Variants in CTNNA3 observed in about 807,000 individuals in gnomAD.
CTNNA3 encodes the protein catenin alpha-3.
Under a neutral mutation model 95.7 loss-of-function variants are expected in CTNNA3, and 76 were observed. That is an observed-to-expected ratio of 0.79 (90% CI 0.66 to 0.96). CTNNA3 has a LOEUF of 0.96. CTNNA3 is among the 40% of genes least tolerant of loss of function. CTNNA3 has a pLI of 0.00. For synonymous variants in CTNNA3, 431 were observed against 374.4 expected, an observed-to-expected ratio of 1.15 and a Z score of -1.74; for missense variants, 1,191 against 1,089.8, an observed-to-expected ratio of 1.09 and a Z score of -1.31.
intron 14 of CTNNA3, among the ~76,000 whole-genome samples, chr10:66,097,472 A>G (rs992819485): frequency 2.6e-5 from 4 of 152,182 alleles, no homozygotes; most frequent in African/African-American, 4.8e-5. Context: ...AATAGATATT[A>G]TTATTATCAT....
At chr10:66,527,387 C>T (rs572210677) in intron 10 of CTNNA3, among the ~76,000 whole-genome samples, 1 of 152,206 alleles carries the variant, frequency 6.6e-6, no homozygotes. Flanking sequence ...TTTGGCTACT[C>T]AAGGTCCCTT....
intron 7 of CTNNA3, among the ~76,000 whole-genome samples, chr10:66,950,157 T>C (rs1257579340): frequency 6.6e-6 from 1 of 152,182 alleles, no homozygotes; most frequent in Non-Finnish European, 1.5e-5. Flanking sequence ...TTTTGACAAA[T>C]TATATTTTAT....
chr10:66,502,594 A>G (rs1817632748), intron 11 of CTNNA3, among the ~76,000 whole-genome samples: 1 of 152,128 alleles, frequency 6.6e-6, no homozygotes, highest in South Asian at 2.1e-4. Flanking sequence ...CATTTATGAC[A>G]TCCTACTGTC....
intron 10 of CTNNA3, 101 bp downstream of exon 10, chr10:66,621,591 C>T: frequency 2.0e-6 from 1 of 488,250 alleles, no homozygotes; most frequent in Non-Finnish European, 3.3e-6. Context: ...GACCTGGTCT[C>T]AAAAAAAAAA....
rs146299478 is a variant in CTNNA3, at chr10:67,063,187, T to C, written c.1047+117130A>G. On this transcript the variant is annotated intron_variant, in intron 7 of 17. Coordinates refer to ENST00000433211, the MANE Select transcript of CTNNA3 (RefSeq NM_013266.4). ...TTACAAGAAAAACAGTTACCAAGTA[T>C]GGATGCTCAAGACAGCCTTAAAGCA... is the stretch of plus-strand genomic sequence containing the variant. Among the ~76,000 whole-genome samples the C allele has an allele frequency of 2.4e-3, 364 of 152,302 alleles. 1 individual carries two copies. Among genetic ancestry groups the C allele is most frequent in the Non-Finnish European group, 3.4e-3 (231 of 68,014 alleles).
intron 7 of CTNNA3, among the ~76,000 whole-genome samples, chr10:67,019,172 T>G (rs995325948): frequency 2.6e-5 from 4 of 152,230 alleles, no homozygotes; most frequent in African/African-American, 9.6e-5. Context: ...TATGGGTTAC[T>G]TCACATTTGA....
intron 5 of CTNNA3, among the ~76,000 whole-genome samples, chr10:67,291,261 T>C (rs1287823295): frequency 6.6e-6 from 1 of 152,178 alleles, no homozygotes; most frequent in African/African-American, 2.4e-5. Context: ...ATGCTAGCTA[T>C]GGTAAATAAA....
intron 12 of CTNNA3, among the ~76,000 whole-genome samples, chr10:66,338,519 G>A (rs1020767382): frequency 6.6e-6 from 1 of 151,976 alleles, no homozygotes; most frequent in Admixed American, 6.6e-5. Context: ...ACATACAGTA[G>A]TTAAAGAAAT....
intron 16 of CTNNA3, among the ~76,000 whole-genome samples, chr10:65,970,567 AG>A (rs1358173773): frequency 1.3e-5 from 2 of 151,794 alleles, no homozygotes; most frequent in African/African-American, 4.8e-5. Flanking sequence ...CTCAAAGTAA[AG>A]GGTTGAAGAA....
intron 12 of CTNNA3, among the ~76,000 whole-genome samples, chr10:66,374,167 G>T (rs1188849619): frequency 6.6e-6 from 1 of 151,850 alleles, no homozygotes; most frequent in East Asian, 1.9e-4. Flanking sequence ...TAAAAATAAA[G>T]AAAGTGTGGT....
rs140654634 is a variant in CTNNA3 at position 66,155,302 on chromosome 10, G to T, written c.1885-52053C>A. 2.6e-5 allele frequency among the ~76,000 whole-genome samples: 4 copies of T among 151,884 alleles called. No homozygotes were observed. In the East Asian group the frequency reaches 7.8e-4, roughly 29 times the overall value. ...TTATTTCAGTGATTCCATAAGCCAA[G>T]TGACTAAGACACTTGGCGAGAGATA... On this transcript the variant is annotated intron_variant, in intron 13 of 17. Coordinates refer to ENST00000433211, the MANE Select transcript of CTNNA3 (RefSeq NM_013266.4).
chr10:66,262,302 A>G (rs2132104497), intron 13 of CTNNA3, among the ~76,000 whole-genome samples: 1 of 152,176 alleles, frequency 6.6e-6, no homozygotes, highest in East Asian at 1.9e-4. Context: ...ACAATGTTCC[A>G]TTAATAAAAT....
chr10:66,412,675 G>T (rs2132601625), intron 11 of CTNNA3, among the ~76,000 whole-genome samples: 1 of 152,032 alleles, frequency 6.6e-6, no homozygotes, highest in African/African-American at 2.4e-5. Context: ...TAGCCAGGAT[G>T]GTCTCGATCT....
intron 7 of CTNNA3, among the ~76,000 whole-genome samples, chr10:67,118,853 T>G (rs1859324284): frequency 6.6e-6 from 1 of 151,898 alleles, no homozygotes; most frequent in African/African-American, 2.4e-5. Context: ...TGAAAATTAA[T>G]AAGAATCAGA....
intron 15 of CTNNA3, among the ~76,000 whole-genome samples, chr10:66,005,212 T>A (rs1019592729): frequency 6.6e-6 from 1 of 152,268 alleles, no homozygotes. Context: ...CACAGATGAT[T>A]TACAATAATC....
chr10:67,737,004 C>A (rs1841306634), intron 1 of CTNNA3, among the ~76,000 whole-genome samples: 1 of 151,990 alleles, frequency 6.6e-6, no homozygotes. Flanking sequence ...CACACTGTCA[C>A]CCAGCCTGGA....
chr10:66,044,006 C>T (rs952292819), intron 15 of CTNNA3, among the ~76,000 whole-genome samples: 4 of 132,528 alleles, frequency 3.0e-5, no homozygotes, highest in African/African-American at 1.1e-4. Flanking sequence ...TTGTGTGTGT[C>T]TGTGTTTGAG....
intron 7 of CTNNA3, among the ~76,000 whole-genome samples, chr10:67,078,174 C>A (rs1215523880): frequency 6.6e-6 from 1 of 152,162 alleles, no homozygotes; most frequent in Non-Finnish European, 1.5e-5. Context: ...TAAAAGAACA[C>A]CACTTTTAGG....
chr10:67,404,675 A>T (rs1845066041), intron 5 of CTNNA3, among the ~76,000 whole-genome samples: 1 of 152,166 alleles, frequency 6.6e-6, no homozygotes, highest in Non-Finnish European at 1.5e-5. Context: ...CTACCTACAG[A>T]AGCCAACATT....
Sources: gnomAD v4.1 joint callset for allele counts (sites outside exome capture counted in the v4.1 genomes callset) on GRCh38, gnomAD v4.1.1 for gene constraint, MANE v1.5 for transcripts, NCBI Gene and HGNC (gene_info 2026-07-23, HGNC 2026-07-21) for gene names.